The following RAP2A variants were observed in gnomAD, a reference collection of about 807,000 sequenced individuals.
RAP2A encodes ras-related protein Rap-2a.
Under a neutral mutation model 15.1 loss-of-function variants are expected in RAP2A, and 5 were observed. The ratio of observed to expected loss-of-function variants is 0.33; its 90% CI spans 0.17 to 0.70. The LOEUF (loss-of-function observed/expected upper bound fraction) is 0.70. Ranked by LOEUF, RAP2A falls within the 30% of genes least tolerant of loss-of-function variation. The pLI is 0.68. For synonymous variants in RAP2A, 110 were observed against 99.7 expected, an observed-to-expected ratio of 1.10 and a Z score of -0.62; for missense variants, 111 against 240.3, an observed-to-expected ratio of 0.46 and a Z score of 3.56.
intron 1 of RAP2A, among the ~76,000 whole-genome samples, chr13:97,446,152 C>T (rs1164417709): frequency 1.3e-5 from 2 of 152,094 alleles, no homozygotes; most frequent in Admixed American, 1.3e-4. Context: ...TGGGACAGTT[C>T]AGGTCTATGC....
chr13:97,446,746 C>T (rs1373172597), intron 1 of RAP2A, among the ~76,000 whole-genome samples: 2 of 152,194 alleles, frequency 1.3e-5, no homozygotes, highest in Non-Finnish European at 2.9e-5. Context: ...GAGCTCCCTT[C>T]CAGCCATTCC....
At chr13:97,443,438 A>C (rs953152648) in intron 1 of RAP2A, among the ~76,000 whole-genome samples, 1 of 152,120 alleles carries the variant, frequency 6.6e-6, no homozygotes, top group African/African-American at 2.4e-5. Flanking sequence ...CCCAGGCTGG[A>C]GTGCAGCGGC....
chr13:97,454,962 G>A (rs1160132203), intron 1 of RAP2A, among the ~76,000 whole-genome samples: 1 of 151,128 alleles, frequency 6.6e-6, no homozygotes. Flanking sequence ...GGCATCTGTG[G>A]TTTCTGATGA....
chr13:97,448,518 C>G (rs2066689057), intron 1 of RAP2A, among the ~76,000 whole-genome samples: 2 of 152,246 alleles, frequency 1.3e-5, no homozygotes, highest in Middle Eastern at 6.8e-3. Flanking sequence ...TAACATTACA[C>G]CTAAGTATCA....
chr13:97,452,430 A>G lies in RAP2A; in HGVS notation c.315-11775A>G, dbSNP rs1193466492. ...CGTACCTTTGTCATAAATCAGGCAA[A>G]TCTATCTGTGTGAGTCTGTTTCTAG... On this transcript the variant is annotated intron_variant, in intron 1 of 1. Transcript: ENST00000245304. 8.6e-5 allele frequency among the ~76,000 whole-genome samples: 13 copies of G among 151,130 alleles called. 1 individual carries two copies. The highest frequency in any genetic ancestry group is 5.9e-5 in the Non-Finnish European group (4 of 67,770).
At chr13:97,446,463 C>G (rs951108477) in intron 1 of RAP2A, among the ~76,000 whole-genome samples, 1 of 152,126 alleles carries the variant, frequency 6.6e-6, no homozygotes, top group African/African-American at 2.4e-5. Context: ...ACTAAATGCT[C>G]TTGATTAAAG....
intron 1 of RAP2A, among the ~76,000 whole-genome samples, chr13:97,463,785 C>T (rs1231242172): frequency 6.6e-6 from 1 of 152,122 alleles, no homozygotes; most frequent in Non-Finnish European, 1.5e-5. Flanking sequence ...CAATTTTATA[C>T]ACATAGAACA....
intron 1 of RAP2A, among the ~76,000 whole-genome samples, chr13:97,462,198 A>G (rs965089174): frequency 6.6e-6 from 1 of 151,440 alleles, no homozygotes; most frequent in Non-Finnish European, 1.5e-5. Context: ...AATTCAACCA[A>G]TGTTTTACTT....
chr13:97,445,140 T>C (rs2153179445), intron 1 of RAP2A, among the ~76,000 whole-genome samples: 1 of 152,232 alleles, frequency 6.6e-6, no homozygotes, highest in East Asian at 1.9e-4. Context: ...TTCTATCACA[T>C]TGGGGATTAA....
rs748057086 is a variant in RAP2A, at chr13:97,464,359, T to C, written c.469T>C (p.Phe157Leu). 1 of 1,614,230 alleles carries C rather than the reference T, an allele frequency of 6.2e-7. No homozygotes were observed. The highest frequency in any genetic ancestry group is 8.5e-7 in the Non-Finnish European group (1 of 1,180,040). Residue 157 changes from phenylalanine to leucine, a missense_variant, in exon 2 of 2, where the codon TTT becomes CTT. Phe to Leu is a conservative substitution (Grantham distance 22). Around this residue, in one of 3 missense-constraint regions of RAP2A, gnomAD observed 74 missense variants for 132.3 expected, o/e 0.56. Coordinates refer to ENST00000245304, the MANE Select transcript of RAP2A (RefSeq NM_021033.7). ...GAGTAAAACAATGGTGGACGAACTC[T>C]TTGCAGAAATTGTGAGGCAGATGAA... The part of the protein sequence containing the change: ...AKSKTMVDEL[F>L]AEIVRQMNYA...
At position 97,434,426 on chromosome 13, in the gene RAP2A, G is replaced by T. The variant is rs752436080; in HGVS notation, c.-45G>T. The stretch of plus-strand genomic sequence containing the variant: ...TGGGGGCGCAGCGCGGCCGGCGTAG[G>T]TCTATGTCGCGGGCGGCGGCGGCGG... On this transcript the variant is annotated 5_prime_UTR_variant, in exon 1 of 2. Transcript: ENST00000245304. 2 of 1,532,196 alleles carry T rather than the reference G, an allele frequency of 1.3e-6. No individual in the cohort carries two copies. Among genetic ancestry groups the T allele is most frequent in the South Asian group, 2.5e-5 (2 of 81,040 alleles). 94.9% of individuals were successfully genotyped at this position (1,532,196 alleles called of 1,614,324 possible).
chr13:97,458,315 C>T (rs893402343), intron 1 of RAP2A, among the ~76,000 whole-genome samples: 3 of 152,128 alleles, frequency 2.0e-5, no homozygotes, highest in Admixed American at 6.5e-5. Flanking sequence ...TTAAAATTCA[C>T]ATGAAGTATG....
chr13:97,464,453 TG>T lies in RAP2A; in HGVS notation c.*13del, dbSNP rs762440569. On this transcript the variant is annotated 3_prime_UTR_variant, in exon 2 of 2. Transcript: ENST00000245304. ...TGTAACATACAATAGCATCCAAATA[TG>T]GCTGTCCTGGATGGGATTTGCCCAA... 1.2e-6 allele frequency: 2 copies of T among 1,611,488 alleles called. No individual in the cohort carries two copies. Among genetic ancestry groups the T allele is most frequent in the Non-Finnish European group, 1.7e-6 (2 of 1,177,586 alleles).
At chr13:97,443,122 A>G (rs1033568860) in intron 1 of RAP2A, among the ~76,000 whole-genome samples, 3 of 152,198 alleles carry the variant, frequency 2.0e-5, no homozygotes, top group African/African-American at 7.2e-5. Context: ...AGAAAACTCA[A>G]AATAGAGGTC....
At chr13:97,449,202 C>T (rs968442157) in intron 1 of RAP2A, among the ~76,000 whole-genome samples, 1 of 152,100 alleles carries the variant, frequency 6.6e-6, no homozygotes, top group Non-Finnish European at 1.5e-5. Flanking sequence ...TTTAGCTAGT[C>T]GCTGTAGATC....
intron 1 of RAP2A, chr13:97,441,782 AAG>A: frequency 2.2e-6 from 1 of 451,098 alleles, no homozygotes; most frequent in African/African-American, 2.0e-5. Flanking sequence ...ATGTTGTAAA[AAG>A]AGTTTTAAGT....
chr13:97,457,819 A>T (rs540365564), intron 1 of RAP2A, among the ~76,000 whole-genome samples: 301 of 152,250 alleles, frequency 2.0e-3, no homozygotes, highest in Middle Eastern at 6.8e-3. Flanking sequence ...TTTGTTTCCT[A>T]TTAAGTATTG....
rs964431601 is a variant in RAP2A, at chr13:97,464,967, T to C, written c.*525T>C. On this transcript the variant is annotated 3_prime_UTR_variant, in exon 2 of 2. Coordinates refer to ENST00000245304, the MANE Select transcript of RAP2A (RefSeq NM_021033.7). ...ACCTGCCAACAGCATTACAGGGAGA[T>C]TCTTTGCTCAGCTAACACATTTCTG... 1.3e-5 allele frequency: 2 copies of C among 152,978 alleles called. No homozygotes were observed. Among genetic ancestry groups the C allele is most frequent in the African/African-American group, 4.8e-5 (2 of 41,462 alleles). 9.5% of individuals were successfully genotyped at this position (152,978 alleles called of 1,614,324 possible).
chr13:97,464,475 CCCAATGTCGTAGGTGATAGAAA>C lies in RAP2A; in HGVS notation c.*34_*55del. On this transcript the variant is annotated 3_prime_UTR_variant, in exon 2 of 2. Coordinates refer to ENST00000245304, the MANE Select transcript of RAP2A (RefSeq NM_021033.7). ...ATATGGCTGTCCTGGATGGGATTTG[CCCAATGTCGTAGGTGATAGAAA>C]ACTCGCCTACTCCACTGCAGAACTT... is the stretch of plus-strand genomic sequence containing the variant. 1 of 1,599,524 alleles carries C rather than the reference CCCAATGTCGTAGGTGATAGAAA, an allele frequency of 6.3e-7. No homozygotes were observed. The highest frequency in any genetic ancestry group is 8.6e-7 in the Non-Finnish European group (1 of 1,167,106).
Sources: allele counts gnomAD v4.1 joint callset (sites outside exome capture counted in the v4.1 genomes callset), GRCh38; gene constraint gnomAD v4.1.1; regional missense constraint gnomAD v4.1.1; transcripts MANE v1.5; gene names NCBI Gene and HGNC (gene_info 2026-07-23, HGNC 2026-07-21).